CDK6: variants seen among roughly 807,000 people sequenced by gnomAD.
The protein encoded by CDK6 is cyclin-dependent kinase 6.
A neutral mutation model predicts 37.1 loss-of-function variants in CDK6; 6 were observed. That is an observed-to-expected ratio of 0.16 (90% confidence interval 0.09 to 0.32). The LOEUF is 0.32. Ranked by LOEUF, CDK6 falls within the 10% of genes least tolerant of loss-of-function variation. The probability of loss-of-function intolerance (pLI) is 1.00; values close to 1 mark genes in which losing one functional copy is unlikely to be tolerated. For synonymous variants in CDK6, 160 were observed against 161.3 expected (o/e 0.99, Z 0.06); for missense variants, 224 against 418.9 (o/e 0.53, Z 4.06).
intron 5 of CDK6, among the ~76,000 whole-genome samples, chr7:92,650,068 T>TA (rs1796538365): frequency 6.6e-6 from 1 of 152,240 alleles, no homozygotes; most frequent in African/African-American, 2.4e-5. Flanking sequence ...ACCAATTTGT[T>TA]ACTATATGCA....
At chr7:92,762,178 A>G (rs1799472773) in intron 3 of CDK6, among the ~76,000 whole-genome samples, 1 of 152,208 alleles carries the variant, frequency 6.6e-6, no homozygotes, top group African/African-American at 2.4e-5. Context: ...AGAATTAGCA[A>G]TGTAATGTTT....
chr7:92,642,053 G>A (rs534746219), intron 5 of CDK6, among the ~76,000 whole-genome samples: 21 of 152,156 alleles, frequency 1.4e-4, no homozygotes, highest in African/African-American at 4.8e-4. Context: ...GTGAGCTGGC[G>A]TAAGGTACTT....
At chr7:92,644,544 A>C (rs1796396470) in intron 5 of CDK6, among the ~76,000 whole-genome samples, 1 of 152,152 alleles carries the variant, frequency 6.6e-6, no homozygotes, top group Non-Finnish European at 1.5e-5. Context: ...AACCCTAGTG[A>C]CTAACCTAGT....
chr7:92,673,911 G>A (rs964314271), intron 4 of CDK6, among the ~76,000 whole-genome samples: 2 of 152,042 alleles, frequency 1.3e-5, no homozygotes, highest in African/African-American at 2.4e-5. Flanking sequence ...CTGAGTAGCT[G>A]GGACTACAGG....
At chr7:92,830,831 G>C (rs1189016611) in intron 2 of CDK6, among the ~76,000 whole-genome samples, 2 of 152,108 alleles carry the variant, frequency 1.3e-5, no homozygotes, top group South Asian at 4.1e-4. Flanking sequence ...CATCTTACAG[G>C]CTAATTATCC....
intron 3 of CDK6, among the ~76,000 whole-genome samples, chr7:92,734,435 C>A (rs886616204): frequency 3.3e-5 from 5 of 152,186 alleles, no homozygotes; most frequent in African/African-American, 1.2e-4. Flanking sequence ...CTCTCTGGCC[C>A]TGCCTCCTGG....
chr7:92,786,717 T>C (rs935904825), intron 2 of CDK6, among the ~76,000 whole-genome samples: 1 of 149,368 alleles, frequency 6.7e-6, no homozygotes, highest in African/African-American at 2.4e-5. Context: ...ACACATTATA[T>C]ATGATATATA....
chr7:92,648,440 A>C, intron 5 of CDK6, among the ~76,000 whole-genome samples: 1 of 152,230 alleles, frequency 6.6e-6, no homozygotes, highest in Non-Finnish European at 1.5e-5. Context: ...AAGTATATAA[A>C]ATCAACAAAA....
chr7:92,711,020 G>T, intron 4 of CDK6: 1 of 187,140 alleles, frequency 5.3e-6, no homozygotes, highest in Non-Finnish European at 1.0e-5. Context: ...CAGTTAAGGA[G>T]TGCAGGAGTA....
chr7:92,640,458 G>A (rs1457886319), intron 5 of CDK6, among the ~76,000 whole-genome samples: 1 of 152,168 alleles, frequency 6.6e-6, no homozygotes, highest in African/African-American at 2.4e-5. Flanking sequence ...CTGGCTTAAT[G>A]AAAATAAGAG....
chr7:92,725,835 G>C (rs778092791), intron 3 of CDK6, 42 bp from the exon 4 acceptor site: 19 of 1,571,060 alleles, frequency 1.2e-5, no homozygotes, highest in Non-Finnish European at 1.6e-5. Flanking sequence ...CACTCAAAAC[G>C]GAAGTTGAGC....
intron 4 of CDK6, among the ~76,000 whole-genome samples, chr7:92,711,552 A>ATTTTTTTTTTTTTTTTTTTTTTTTTTTT (rs11285626): frequency 1.8e-5 from 1 of 56,614 alleles, no homozygotes; most frequent in African/African-American, 8.2e-5. Context: ...GAATGGTCAA[A>ATTTTTTTTTTTTTTTTTTTTTTTTTTTT]TTTTTTTTTT....
intron 2 of CDK6, among the ~76,000 whole-genome samples, chr7:92,778,924 C>CATATATATATATATATATAT (rs145888983): frequency 9.2e-6 from 1 of 109,042 alleles, no homozygotes; most frequent in Non-Finnish European, 1.8e-5. Flanking sequence ...TATAGTTTAT[C>CATATATATATATATATATAT]ATATATATAT....
chr7:92,626,388 T>C (rs1342980786), intron 5 of CDK6, among the ~76,000 whole-genome samples: 1 of 152,064 alleles, frequency 6.6e-6, no homozygotes, highest in African/African-American at 2.4e-5. Flanking sequence ...TACCTCATTT[T>C]ACCAGTGGGA....
At chr7:92,683,712 G>C (rs571522506) in intron 4 of CDK6, among the ~76,000 whole-genome samples, 3 of 152,268 alleles carry the variant, frequency 2.0e-5, no homozygotes, top group East Asian at 1.9e-4. Context: ...ACTGTGGTGG[G>C]GGGGGGGTCC....
intron 2 of CDK6, among the ~76,000 whole-genome samples, chr7:92,825,206 A>G (rs1185601750): frequency 6.6e-6 from 1 of 152,152 alleles, no homozygotes; most frequent in East Asian, 1.9e-4. Flanking sequence ...AGCGTTGAAT[A>G]TAACAGATAC....
chr7:92,742,593 CAT>C (rs1296433593), intron 3 of CDK6, among the ~76,000 whole-genome samples: 1 of 152,164 alleles, frequency 6.6e-6, no homozygotes, highest in African/African-American at 2.4e-5. Context: ...CCAAAATATA[CAT>C]ACACACACAA....
At chr7:92,811,226 A>T (rs1299350230) in intron 2 of CDK6, among the ~76,000 whole-genome samples, 1 of 152,194 alleles carries the variant, frequency 6.6e-6, no homozygotes, top group East Asian at 1.9e-4. Flanking sequence ...TTCTTCAGCT[A>T]TATAAATAAG....
rs73232043 is a variant in CDK6, at chr7:92,759,258, C to T, written c.369+15438G>A. On this transcript the variant is annotated intron_variant, in intron 3 of 7. Transcript: ENST00000424848. ...AAGGCGATGATTTTCCAGTCCATTTCCCCTGGCAACATGCTCATCAATCAC... is the reference window on the plus strand; with the variant it reads ...AAGGCGATGATTTTCCAGTCCATTTTCCCTGGCAACATGCTCATCAATCAC... Among the ~76,000 whole-genome samples, 873 of 152,224 alleles carry T rather than the reference C, an allele frequency of 5.7e-3. 2 individuals are homozygous for T. Among genetic ancestry groups the T allele is most frequent in the Non-Finnish European group, 9.0e-3 (612 of 68,002 alleles).
Sources: allele counts gnomAD v4.1 joint callset (sites outside exome capture counted in the v4.1 genomes callset), GRCh38; gene constraint gnomAD v4.1.1; transcripts MANE v1.5; gene names NCBI Gene and HGNC (gene_info 2026-07-23, HGNC 2026-07-21).